SV2C: variants seen among roughly 807,000 people sequenced by gnomAD.
The protein encoded by SV2C is solute carrier family 22 member B3.
SV2C carries 49 observed loss-of-function variants against 79.7 expected under a neutral mutation model. The ratio of observed to expected loss-of-function variants is 0.61; its 90% CI spans 0.49 to 0.78. The LOEUF (loss-of-function observed/expected upper bound fraction) is 0.78, where lower values mean the gene tolerates loss of function less well. SV2C is among the 30% of genes least tolerant of loss of function. The pLI is 0.00. For synonymous variants in SV2C, 334 were observed against 333.2 expected, an observed-to-expected ratio of 1.00 and a Z score of -0.03; for missense variants, 833 against 912.9, an observed-to-expected ratio of 0.91 and a Z score of 1.13.
chr5:75,878,674 G>A, the SV2C span, among the ~76,000 whole-genome samples: 2 of 152,016 alleles, frequency 1.3e-5, no homozygotes, highest in East Asian at 3.9e-4. Flanking sequence ...CCTGATATAA[G>A]ATAATCATTG....
chr5:75,944,343 A>G, the SV2C span, among the ~76,000 whole-genome samples: 1 of 152,196 alleles, frequency 6.6e-6, no homozygotes, highest in African/African-American at 2.4e-5. Flanking sequence ...TTTAATAATC[A>G]AGTCATTACT....
At chr5:76,262,433 C>A (rs1055257680) in intron 4 of SV2C, among the ~76,000 whole-genome samples, 1 of 151,858 alleles carries the variant, frequency 6.6e-6, no homozygotes, top group African/African-American at 2.4e-5. Context: ...GTGTCTGTAT[C>A]TCCTTCAGTT....
At chr5:76,118,896 T>C (rs1042566992) in intron 1 of SV2C, among the ~76,000 whole-genome samples, 7 of 152,164 alleles carry the variant, frequency 4.6e-5, no homozygotes, top group Non-Finnish European at 7.3e-5. Flanking sequence ...GGCACAAGAA[T>C]CGCTTGAACC....
At chr5:76,029,399 G>A in the SV2C span, among the ~76,000 whole-genome samples, 3 of 152,056 alleles carry the variant, frequency 2.0e-5, no homozygotes, top group African/African-American at 7.2e-5. Context: ...TGTTCTTAAT[G>A]ATCAGTAGAG....
intron 2 of SV2C, among the ~76,000 whole-genome samples, chr5:76,176,156 T>C (rs1398608614): frequency 6.6e-6 from 1 of 152,074 alleles, no homozygotes; most frequent in East Asian, 1.9e-4. Flanking sequence ...GTTTACTACG[T>C]TTAGTCTAAG....
At chr5:76,323,526 C>G (rs546922204) in intron 12 of SV2C, among the ~76,000 whole-genome samples, 1 of 152,312 alleles carries the variant, frequency 6.6e-6, no homozygotes, top group African/African-American at 2.4e-5. Flanking sequence ...CCCAGCAATC[C>G]CATTACTGGG....
the SV2C span, among the ~76,000 whole-genome samples, chr5:76,009,448 GAC>G: frequency 1.3e-5 from 2 of 152,166 alleles, no homozygotes; most frequent in Admixed American, 6.5e-5. Flanking sequence ...CTATCAAAAA[GAC>G]ACACACACTT....
At chr5:76,003,632 G>C in the SV2C span, among the ~76,000 whole-genome samples, 11 of 151,992 alleles carry the variant, frequency 7.2e-5, no homozygotes, top group Non-Finnish European at 1.2e-4. Flanking sequence ...AGGGCTTTAG[G>C]GAGGGTGAGA....
chr5:76,248,619 A>G (rs1746018379), intron 4 of SV2C, among the ~76,000 whole-genome samples: 3 of 142,424 alleles, frequency 2.1e-5, no homozygotes, highest in Non-Finnish European at 4.6e-5. Flanking sequence ...GTAGGTGCTC[A>G]GTGATTTTTT....
At chr5:76,266,355 G>A (rs948944132) in intron 4 of SV2C, among the ~76,000 whole-genome samples, 6 of 152,006 alleles carry the variant, frequency 3.9e-5, no homozygotes, top group South Asian at 2.1e-4. Context: ...CTACAAGCAC[G>A]TGCCACCACG....
the SV2C span, among the ~76,000 whole-genome samples, chr5:76,037,911 C>T: frequency 6.6e-6 from 1 of 152,346 alleles, no homozygotes; most frequent in East Asian, 1.9e-4. Context: ...GGGCATAGGA[C>T]CCTCCAAGCC....
the SV2C span, among the ~76,000 whole-genome samples, chr5:75,868,157 A>G: frequency 4.4e-3 from 668 of 152,370 alleles, 1 homozygote; most frequent in Middle Eastern, 0.014. Context: ...GAGGAAATAT[A>G]AACATTTGCA....
Position 76,330,701 on chromosome 5 carries a change from G to A in SV2C, c.*5154G>A, listed in dbSNP as rs1749154659. The A allele has an allele frequency of 6.6e-6, 1 of 151,744 alleles. No homozygotes were observed. Among genetic ancestry groups the A allele is most frequent in the Non-Finnish European group, 1.5e-5 (1 of 68,020 alleles). 9.4% of individuals were successfully genotyped at this position (151,744 alleles called of 1,614,324 possible). A position where few individuals can be genotyped will look rare whatever the true frequency, so the allele number is the denominator to read the frequency against. On this transcript the variant is annotated 3_prime_UTR_variant, in exon 13 of 13. Transcript: ENST00000502798. The stretch of plus-strand genomic sequence containing the variant: ...CCTTGATTACCTGGTTTTTGTTGGA[G>A]AGACTATTAACTAGTACTTGGAAAA...
At chr5:75,948,604 G>A in the SV2C span, among the ~76,000 whole-genome samples, 2 of 151,984 alleles carry the variant, frequency 1.3e-5, no homozygotes, top group Non-Finnish European at 2.9e-5. Context: ...ATAGGGTGGT[G>A]GTCAGGGAGG....
chr5:76,271,616 C>CTTTTTTTTT (rs34458409), intron 4 of SV2C, among the ~76,000 whole-genome samples: 3,797 of 96,270 alleles, frequency 0.039, 2 homozygotes, highest in East Asian at 0.044. Flanking sequence ...AGCATGTGTT[C>CTTTTTTTTT]TTTTTTTTTT....
At chr5:76,107,694 A>T (rs1000590349) in intron 1 of SV2C, among the ~76,000 whole-genome samples, 1 of 152,152 alleles carries the variant, frequency 6.6e-6, no homozygotes. Context: ...CTCTACCAAA[A>T]ATATGAAAAA....
At chr5:76,251,806 T>A (rs1185344334) in intron 4 of SV2C, among the ~76,000 whole-genome samples, 1 of 152,236 alleles carries the variant, frequency 6.6e-6, no homozygotes, top group Admixed American at 6.5e-5. Flanking sequence ...TAACAAGGTC[T>A]CTTTATTCCA....
intron 12 of SV2C, among the ~76,000 whole-genome samples, chr5:76,315,618 G>A (rs1464767825): frequency 6.6e-6 from 1 of 152,202 alleles, no homozygotes; most frequent in East Asian, 1.9e-4. Flanking sequence ...AGCCCTTGGA[G>A]GGGAGTGGGA....
At chr5:75,914,043 G>A in the SV2C span, among the ~76,000 whole-genome samples, 1 of 152,002 alleles carries the variant, frequency 6.6e-6, no homozygotes, top group African/African-American at 2.4e-5. Flanking sequence ...GCCAATGTGG[G>A]TCTAAGGTCT....
Sources: gnomAD v4.1 joint callset for allele counts (sites outside exome capture counted in the v4.1 genomes callset) on GRCh38, gnomAD v4.1.1 for gene constraint, MANE v1.5 for transcripts, NCBI Gene and HGNC (gene_info 2026-07-23, HGNC 2026-07-21) for gene names.